The following CEP83 variants were observed in gnomAD, a reference collection of about 807,000 sequenced individuals.
CEP83 encodes centrosomal protein 83.
A neutral mutation model predicts 101.9 loss-of-function variants in CEP83; 70 were observed. That is an observed-to-expected ratio of 0.69 (90% confidence interval 0.57 to 0.84). The LOEUF (loss-of-function observed/expected upper bound fraction) is 0.84, where lower values mean the gene tolerates loss of function less well. Ranked by LOEUF, CEP83 falls within the 40% of genes least tolerant of loss-of-function variation. The probability of loss-of-function intolerance (pLI) is 0.00; values close to 1 mark genes in which losing one functional copy is unlikely to be tolerated. For synonymous variants in CEP83, 264 were observed against 267.9 expected (o/e 0.99, Z 0.14); for missense variants, 715 against 787.2 (o/e 0.91, Z 1.10).
At chr12:94,374,278 C>G (rs536948628) in intron 8 of CEP83, among the ~76,000 whole-genome samples, 8 of 152,072 alleles carry the variant, frequency 5.3e-5, no homozygotes, top group African/African-American at 1.7e-4. Flanking sequence ...GGTGGCCCCC[C>G]CAAGAGAGAA....
At chr12:94,424,227 C>T (rs1593945519) in intron 2 of CEP83, 1 of 1,612,920 alleles carries the variant, frequency 6.2e-7, no homozygotes, top group Non-Finnish European at 8.5e-7. Flanking sequence ...TAGGTCAAGG[C>T]CATGATGCCC....
At chr12:94,276,495 T>G in the CEP83 span, among the ~76,000 whole-genome samples, 1 of 143,848 alleles carries the variant, frequency 7.0e-6, no homozygotes, top group Admixed American at 6.8e-5. Context: ...GGAGGGCGGG[T>G]GGTAAAGCGG....
intron 1 of CEP83, among the ~76,000 whole-genome samples, chr12:94,443,205 C>T (rs1270879406): frequency 1.3e-5 from 2 of 152,056 alleles, no homozygotes; most frequent in East Asian, 3.9e-4. Context: ...GTTTACAGAC[C>T]CCCAGGACCC....
intron 2 of CEP83, among the ~76,000 whole-genome samples, chr12:94,415,556 T>A (rs1440230552): frequency 6.6e-6 from 1 of 151,918 alleles, no homozygotes; most frequent in Non-Finnish European, 1.5e-5. Flanking sequence ...AATGAAAAAA[T>A]AATAAAAGTA....
intron 1 of CEP83, among the ~76,000 whole-genome samples, chr12:94,437,452 G>T (rs964904753): frequency 2.0e-5 from 3 of 152,156 alleles, no homozygotes; most frequent in African/African-American, 7.2e-5. Flanking sequence ...CTAAAGTCAA[G>T]ACAAAGAAAA....
At chr12:94,388,807 C>A (rs2062326443) in intron 6 of CEP83, among the ~76,000 whole-genome samples, 1 of 151,986 alleles carries the variant, frequency 6.6e-6, no homozygotes. Context: ...AGCTTCTTTA[C>A]AAGAGTATAG....
At chr12:94,411,590 A>C in intron 4 of CEP83, 107 bp downstream of exon 4, 1 of 742,302 alleles carries the variant, frequency 1.3e-6, no homozygotes, top group East Asian at 2.5e-5. Flanking sequence ...CAGCAAAGTA[A>C]TCATTAAGGA....
the CEP83 span, chr12:94,279,445 C>A: frequency 6.3e-7 from 1 of 1,590,738 alleles, no homozygotes; most frequent in Non-Finnish European, 8.6e-7. Flanking sequence ...ATCTAATAGA[C>A]TTGGAAACCT....
intron 6 of CEP83, among the ~76,000 whole-genome samples, chr12:94,397,050 C>T (rs776777279): frequency 3.3e-5 from 5 of 152,184 alleles, no homozygotes; most frequent in Non-Finnish European, 5.9e-5. Flanking sequence ...AGTAAATCCA[C>T]AATTATACAC....
At chr12:94,453,344 G>C (rs1412769357) in intron 1 of CEP83, among the ~76,000 whole-genome samples, 1 of 152,158 alleles carries the variant, frequency 6.6e-6, no homozygotes, top group Non-Finnish European at 1.5e-5. Flanking sequence ...TCCGGGCCAA[G>C]TTGAATACTG....
At position 94,445,100 on chromosome 12, in the gene CEP83, A is replaced by C. The variant is rs182056932; in HGVS notation, c.-154-9773T>G. Among the ~76,000 whole-genome samples the C allele has an allele frequency of 2.4e-4, 36 of 152,338 alleles. 1 individual carries two copies. Among genetic ancestry groups the C allele is most frequent in the Admixed American group, 2.2e-3 (33 of 15,302 alleles). On this transcript the variant is annotated intron_variant, in intron 1 of 16. Transcript: ENST00000397809. ...ACTTCACTTATTAAAGTGCCATAGA[A>C]ATGAAAACTATGTAGTATTAAATCA...
downstream of CEP83, chr12:94,303,687 C>A: frequency 1.7e-6 from 2 of 1,176,606 alleles, no homozygotes; most frequent in Non-Finnish European, 1.2e-6. Flanking sequence ...TTATAAATTC[C>A]TCCATCTTTT....
chr12:94,279,864 G>C, the CEP83 span: 2 of 689,520 alleles, frequency 2.9e-6, no homozygotes, highest in Admixed American at 4.1e-5. Context: ...GTCCTTCAAA[G>C]ATGGCGTTTG....
intron 9 of CEP83, 21 bp from the exon 10 acceptor site, chr12:94,368,222 A>T: frequency 6.3e-7 from 1 of 1,593,198 alleles, no homozygotes; most frequent in Non-Finnish European, 8.6e-7. Flanking sequence ...TCAAGGAGAA[A>T]AGTGTACTAT....
chr12:94,416,951 G>C (rs1423947496), intron 2 of CEP83, among the ~76,000 whole-genome samples: 2 of 151,998 alleles, frequency 1.3e-5, no homozygotes, highest in African/African-American at 2.4e-5. Flanking sequence ...CAGCTACCTG[G>C]CAATAACAAA....
At chr12:94,336,251 T>G (rs2059443331) in intron 11 of CEP83, among the ~76,000 whole-genome samples, 1 of 152,206 alleles carries the variant, frequency 6.6e-6, no homozygotes, top group African/African-American at 2.4e-5. Flanking sequence ...TCAAAGGGAA[T>G]AATACATCTA....
intron 15 of CEP83, chr12:94,312,618 TACA>T: frequency 1.0e-6 from 1 of 985,404 alleles, no homozygotes; most frequent in Non-Finnish European, 1.2e-6. Context: ...ATGCAATAGC[TACA>T]ACTGTCTTGT....
At chr12:94,295,435 G>A in the CEP83 span, among the ~76,000 whole-genome samples, 1 of 152,166 alleles carries the variant, frequency 6.6e-6, no homozygotes, top group African/African-American at 2.4e-5. Flanking sequence ...GAAGAGCATG[G>A]TTTTTAGGTT....
chr12:94,374,052 T>C (rs984649793), intron 8 of CEP83, among the ~76,000 whole-genome samples: 4 of 152,168 alleles, frequency 2.6e-5, no homozygotes, highest in Non-Finnish European at 5.9e-5. Context: ...CTCTTAGCAA[T>C]GTGTATTAAT....
Sources: allele counts gnomAD v4.1 joint callset (sites outside exome capture counted in the v4.1 genomes callset), GRCh38; gene constraint gnomAD v4.1.1; transcripts MANE v1.5; gene names NCBI Gene and HGNC (gene_info 2026-07-23, HGNC 2026-07-21).